The following ZNF385C variants were observed in gnomAD, a reference collection of about 807,000 sequenced individuals.
ZNF385C encodes CTD-2132N18.2.
Under a neutral mutation model 35.4 loss-of-function variants are expected in ZNF385C, and 28 were observed. The ratio of observed to expected loss-of-function variants is 0.79; its 90% CI spans 0.59 to 1.08. The LOEUF is 1.08. ZNF385C is among the 50% of genes least tolerant of loss of function. The pLI, the probability that ZNF385C is intolerant of heterozygous loss-of-function variation, is 0.00. For synonymous variants in ZNF385C, 248 were observed against 248.2 expected, an observed-to-expected ratio of 1.00 and a Z score of 0.01; for missense variants, 605 against 595.6, an observed-to-expected ratio of 1.02 and a Z score of -0.16.
At chr17:42,086,316 A>G (rs1414871279) in intron 1 of ZNF385C, among the ~76,000 whole-genome samples, 1 of 152,164 alleles carries the variant, frequency 6.6e-6, no homozygotes, top group Non-Finnish European at 1.5e-5. Context: ...CGCTTCAACC[A>G]GGCAGGCAGA....
At position 42,075,485 on chromosome 17, in the gene ZNF385C, T is replaced by C. The variant is rs553537364; in HGVS notation, c.-2-12427A>G. Among the ~76,000 whole-genome samples, 96 of 151,908 alleles carry C rather than the reference T, an allele frequency of 6.3e-4. No homozygotes were observed. The South Asian group carries it at 0.019, about 31-fold the overall frequency. Reference sequence around the variant, plus strand: ...TTGGATTATCCCAGTTACATTCCTTTATACTCCTTTTTTTTTTTTTTTTTT... The same window carrying C: ...TTGGATTATCCCAGTTACATTCCTTCATACTCCTTTTTTTTTTTTTTTTTT... On this transcript the variant is annotated intron_variant, in intron 1 of 8. Transcript: ENST00000692273.
chr17:42,030,370 C>G (rs1288636759), intron 5 of ZNF385C, among the ~76,000 whole-genome samples: 2 of 152,000 alleles, frequency 1.3e-5, no homozygotes, highest in Admixed American at 6.6e-5. Context: ...TACCTGTAGT[C>G]CCAGCTACTT....
At chr17:42,044,303 G>T (rs2053099375) in intron 2 of ZNF385C, among the ~76,000 whole-genome samples, 1 of 77,778 alleles carries the variant, frequency 1.3e-5, no homozygotes, top group Admixed American at 2.0e-4. Flanking sequence ...GCTAGACCCT[G>T]TCTCAAAAAA....
chr17:42,097,097 T>C (rs2053926895), intron 1 of ZNF385C, among the ~76,000 whole-genome samples: 1 of 151,660 alleles, frequency 6.6e-6, no homozygotes, highest in South Asian at 2.1e-4. Flanking sequence ...CTCGCCAGGC[T>C]CCAGGCACTG....
At chr17:42,046,437 A>T (rs1555656626) in intron 2 of ZNF385C, among the ~76,000 whole-genome samples, 1 of 151,960 alleles carries the variant, frequency 6.6e-6, no homozygotes, top group African/African-American at 2.4e-5. Context: ...TACAAATAAA[A>T]TGTTTTTAAA....
intron 2 of ZNF385C, among the ~76,000 whole-genome samples, chr17:42,044,202 T>TG (rs1179282060): frequency 6.7e-5 from 9 of 134,560 alleles, no homozygotes; most frequent in East Asian, 2.2e-4. Flanking sequence ...TCCCAGCTAC[T>TG]GGGGAGGTTG....
At chr17:42,069,414 A>G (rs1185370916) in intron 1 of ZNF385C, among the ~76,000 whole-genome samples, 5 of 152,166 alleles carry the variant, frequency 3.3e-5, no homozygotes, top group Non-Finnish European at 5.9e-5. Context: ...CTGTCCATCC[A>G]GAGAGGGCTG....
rs1208050512 is a variant in ZNF385C, at chr17:42,031,691, C to A, written c.604G>T (p.Ala202Ser). The A allele has an allele frequency of 2.6e-5, 40 of 1,550,548 alleles. No individual in the cohort carries two copies. Among genetic ancestry groups the A allele is most frequent in the Non-Finnish European group, 3.4e-5 (39 of 1,147,032 alleles). Residue 202 changes from alanine to serine, a missense_variant, in exon 5 of 9, where the codon GCC becomes TCC. Transcript: ENST00000692273. ...AKSKQRPHTQ[A>S]QDGAVVSPIP... is the part of the protein sequence containing the mutation. ...GGGGACACTACAGCCCCATCCTGGGCCTGGGTGTGTGGCCTCTGCTTGCTC... is the reference window on the plus strand; with the variant it reads ...GGGGACACTACAGCCCCATCCTGGGACTGGGTGTGTGGCCTCTGCTTGCTC...
intron 1 of ZNF385C, among the ~76,000 whole-genome samples, chr17:42,091,120 T>C (rs1681955422): frequency 1.3e-5 from 2 of 151,856 alleles, no homozygotes; most frequent in South Asian, 4.2e-4. Flanking sequence ...GGAAGCCCAT[T>C]TCAGTGGGAG....
chr17:42,029,662 T>C (rs1339143390), intron 5 of ZNF385C, among the ~76,000 whole-genome samples: 1 of 151,522 alleles, frequency 6.6e-6, no homozygotes, highest in Admixed American at 6.6e-5. Context: ...TACAGTGAAC[T>C]GAGATCACAC....
chr17:42,040,050 G>A, intron 2 of ZNF385C: 3 of 1,231,148 alleles, frequency 2.4e-6, no homozygotes, highest in Non-Finnish European at 3.0e-6. Flanking sequence ...TAAACAGCGC[G>A]AAGTCGCCCA....
intron 1 of ZNF385C, among the ~76,000 whole-genome samples, chr17:42,075,721 C>T (rs376842882): frequency 2.0e-5 from 3 of 152,286 alleles, no homozygotes; most frequent in African/African-American, 4.8e-5. Context: ...GTCTCGATCT[C>T]CTGACCTCAT....
intron 2 of ZNF385C, among the ~76,000 whole-genome samples, chr17:42,047,672 G>A (rs1025112786): frequency 6.7e-6 from 1 of 150,348 alleles, no homozygotes; most frequent in Non-Finnish European, 1.5e-5. Context: ...TTTTTTTTTC[G>A]AGACAGAGTC....
At chr17:42,093,316 C>T (rs905791120) in intron 1 of ZNF385C, among the ~76,000 whole-genome samples, 3 of 152,192 alleles carry the variant, frequency 2.0e-5, no homozygotes, top group South Asian at 2.1e-4. Context: ...CTCTGGTCAA[C>T]GCCTCTTCTG....
intron 2 of ZNF385C, chr17:42,040,250 G>C: frequency 8.1e-7 from 1 of 1,231,630 alleles, no homozygotes; most frequent in Non-Finnish European, 1.0e-6. Flanking sequence ...ATGGAGTCCA[G>C]GAAGGATCCC....
At chr17:42,082,185 T>A (rs1311421868) in intron 1 of ZNF385C, among the ~76,000 whole-genome samples, 1 of 152,218 alleles carries the variant, frequency 6.6e-6, no homozygotes, top group African/African-American at 2.4e-5. Flanking sequence ...CATGTCTGGC[T>A]GAATCCTGGG....
At chr17:42,039,991 G>A (rs1352310376) in intron 2 of ZNF385C, 1 of 1,231,084 alleles carries the variant, frequency 8.1e-7, no homozygotes, top group Non-Finnish European at 1.0e-6. Context: ...CGCCAGCTGG[G>A]TGCACAGGGC....
At position 42,040,000 on chromosome 17, in the gene ZNF385C, G is replaced by C. The variant is rs1162543909; in HGVS notation, c.251-2115C>G. ...CGCGCACGCCAGCTGGGTGCACAGG[G>C]CCCGCGGGCCGAGCCGCCCAAGGCC... On this transcript the variant is annotated intron_variant, in intron 2 of 8. Transcript: ENST00000692273. 3 of 1,231,042 alleles carry C rather than the reference G, an allele frequency of 2.4e-6. No individual in the cohort carries two copies. The Admixed American group carries it at 1.3e-4, about 52-fold the overall frequency. The allele number at this position is 1,231,042 out of a possible 1,614,324, so 76.3% of individuals were successfully genotyped here. A position where few individuals can be genotyped will look rare whatever the true frequency, so the allele number is the denominator to read the frequency against.
chr17:42,043,298 AGTGCTCG>A, intron 2 of ZNF385C: 1 of 1,232,250 alleles, frequency 8.1e-7, no homozygotes, highest in East Asian at 3.2e-5. Context: ...TCCTCTTTCC[AGTGCTCG>A]TTGAAGTAAC....
Sources: allele counts gnomAD v4.1 joint callset (sites outside exome capture counted in the v4.1 genomes callset), GRCh38; gene constraint gnomAD v4.1.1; transcripts MANE v1.5; gene names NCBI Gene and HGNC (gene_info 2026-07-23, HGNC 2026-07-21).